Variants in TMEM245 observed in about 807,000 individuals in gnomAD.
TMEM245 encodes transmembrane protein 245.
In TMEM245, 69 loss-of-function variants were observed where a neutral mutation model predicts 101.2. The observed-to-expected ratio is 0.68, with a 90% CI of 0.56 to 0.83. TMEM245 has a LOEUF of 0.83. TMEM245 is among the 40% of genes least tolerant of loss of function. The pLI, the probability that TMEM245 is intolerant of heterozygous loss-of-function variation, is 0.00. For missense variants in TMEM245, 1,075 were observed against 1,092.8 expected (o/e 0.98, Z 0.23); for synonymous variants, 537 against 449.8 (o/e 1.19, Z -2.45).
rs974091313 is a variant in TMEM245, at chr9:109,119,556, C to T, written c.358G>A (p.Val120Ile). ...QRLHRAHTPI[V>I]LAALLLPLCF... ...AGCGGCAGGAGCAGCGCGGCCAGGA[C>T]GATGGGCGTGTGCGCGCGGTGCAGG... The change falls in exon 1 of 18, where the codon GTC becomes ATC. Residue 120 changes from valine to isoleucine, a missense_variant. Val to Ile is a conservative substitution (Grantham distance 29). Coordinates refer to ENST00000374586, the MANE Select transcript of TMEM245 (RefSeq NM_032012.4). 30 of 1,537,046 alleles carry T rather than the reference C, an allele frequency of 2.0e-5. No homozygotes were observed. The highest frequency in any genetic ancestry group is 6.0e-5 in the Admixed American group (3 of 50,204).
rs959873890 is a variant in TMEM245 at position 109,017,515 on chromosome 9, G to A, written c.*2945C>T. 1 of 152,206 alleles carries A rather than the reference G, an allele frequency of 6.6e-6. No homozygotes were observed. The highest frequency in any genetic ancestry group is 2.1e-4 in the South Asian group (1 of 4,830). The allele number at this position is 152,206 out of a possible 1,614,324, so 9.4% of individuals were successfully genotyped here. ...ATCCCATGCCTTCTCTCTCAGAAAAGAGAGGAGCATACCTGTGTGGAGAGC... is the reference window on the plus strand; with the variant it reads ...ATCCCATGCCTTCTCTCTCAGAAAAAAGAGGAGCATACCTGTGTGGAGAGC... On this transcript the variant is annotated 3_prime_UTR_variant, in exon 18 of 18. Coordinates refer to ENST00000374586, the MANE Select transcript of TMEM245 (RefSeq NM_032012.4).
intron 9 of TMEM245, among the ~76,000 whole-genome samples, chr9:109,066,928 C>T (rs1829188156): frequency 6.6e-6 from 1 of 151,680 alleles, no homozygotes; most frequent in South Asian, 2.1e-4. Flanking sequence ...TGTTGGTGTG[C>T]GCCTGTAGTC....
At chr9:109,090,716 CAAA>C (rs112374218) in intron 5 of TMEM245, among the ~76,000 whole-genome samples, 2 of 108,390 alleles carry the variant, frequency 1.8e-5, no homozygotes, top group Admixed American at 9.1e-5. Flanking sequence ...GACTCCGTCT[CAAA>C]AAAAAAAAAA....
intron 14 of TMEM245, among the ~76,000 whole-genome samples, chr9:109,048,916 T>C (rs1828585370): frequency 6.6e-6 from 1 of 152,186 alleles, no homozygotes; most frequent in Non-Finnish European, 1.5e-5. Context: ...TAAACAACGA[T>C]TCTGCATTTC....
intron 16 of TMEM245, among the ~76,000 whole-genome samples, chr9:109,034,792 T>C: frequency 6.6e-6 from 1 of 152,212 alleles, no homozygotes; most frequent in South Asian, 2.1e-4. Context: ...AGTTTATGAA[T>C]AAAAGCTTAA....
At chr9:109,053,421 T>C (rs1828743731) in intron 12 of TMEM245, among the ~76,000 whole-genome samples, 1 of 151,952 alleles carries the variant, frequency 6.6e-6, no homozygotes, top group Admixed American at 6.6e-5. Flanking sequence ...AGCGAGACTC[T>C]CTCTCTGAGG....
intron 17 of TMEM245, among the ~76,000 whole-genome samples, 178 bp downstream of exon 17, chr9:109,033,129 T>G (rs1828014679): frequency 6.6e-6 from 1 of 152,238 alleles, no homozygotes; most frequent in Non-Finnish European, 1.5e-5. Context: ...TCTTGGTATA[T>G]GAAACCCAAA....
intron 1 of TMEM245, among the ~76,000 whole-genome samples, chr9:109,118,783 G>A (rs1830802024): frequency 6.6e-6 from 1 of 152,238 alleles, no homozygotes; most frequent in African/African-American, 2.4e-5. Flanking sequence ...TGAACTGAGA[G>A]GCAGCACCAG....
intron 16 of TMEM245, 108 bp downstream of exon 16, chr9:109,036,098 A>T: frequency 3.8e-6 from 3 of 798,328 alleles, no homozygotes; most frequent in South Asian, 3.2e-5. Flanking sequence ...GAAAATTCCT[A>T]CTACCAGTTC....
chr9:109,106,671 A>G lies in TMEM245; in HGVS notation c.698-62T>C, dbSNP rs190743764. The G allele has an allele frequency of 3.1e-6, 4 of 1,286,290 alleles. No homozygotes were observed. The Admixed American group carries it at 8.4e-5, about 27-fold the overall frequency. The allele number at this position is 1,286,290 out of a possible 1,614,324, so 79.7% of individuals were successfully genotyped here. On this transcript the variant is annotated intron_variant, in intron 2 of 17. Transcript: ENST00000374586. The stretch of plus-strand genomic sequence containing the variant: ...AAAAACCTAGTACTTGTTTTTACAA[A>G]ACTCAGTTTTGTAGTTTGACAGAAC...
intron 1 of TMEM245, 44 bp from the exon 2 acceptor site, chr9:109,108,614 A>C (rs74697586): frequency 0.026 from 35,675 of 1,376,546 alleles, 617 homozygotes; most frequent in Non-Finnish European, 0.029. Flanking sequence ...ATACACGTGA[A>C]AATGAACATA....
Position 109,091,019 on chromosome 9 carries a change from A to T in TMEM245, c.1053T>A (p.Thr351=), listed in dbSNP as rs758790980. The T allele has an allele frequency of 1.9e-6, 3 of 1,614,200 alleles. No individual in the cohort carries two copies. The highest frequency in any genetic ancestry group is 4.5e-5 in the East Asian group (2 of 44,880). The change falls in exon 5 of 18, where the codon ACT becomes ACA. Residue 351 remains threonine (T), a synonymous_variant. Coordinates refer to ENST00000374586, the MANE Select transcript of TMEM245 (RefSeq NM_032012.4). ...CTAGAGACACAAAGTAGATGTCACT[A>T]GTTTTCTTCTTTCTAAGAAACGTTC... ...EIGTFLRKKK[T]SDIYFVSLVW...
At chr9:109,064,931 A>G (rs893713376) in intron 9 of TMEM245, among the ~76,000 whole-genome samples, 1 of 152,106 alleles carries the variant, frequency 6.6e-6, no homozygotes, top group South Asian at 2.1e-4. Context: ...CTGAGATCAT[A>G]GGCACGTCAC....
intron 1 of TMEM245, among the ~76,000 whole-genome samples, chr9:109,117,457 T>C (rs1830755527): frequency 6.6e-6 from 1 of 152,158 alleles, no homozygotes; most frequent in African/African-American, 2.4e-5. Flanking sequence ...AGTTTGACCT[T>C]CTTTCTCCCA....
At chr9:109,087,390 A>G (rs757716889) in intron 5 of TMEM245, 48 bp from the exon 6 acceptor site, 36 of 1,489,186 alleles carry the variant, frequency 2.4e-5, no homozygotes, top group Admixed American at 2.3e-5. Context: ...TAGATTAACA[A>G]GTTGTAACAT....
intron 17 of TMEM245, among the ~76,000 whole-genome samples, chr9:109,032,707 A>G (rs1827997981): frequency 6.7e-6 from 1 of 149,870 alleles, no homozygotes. Context: ...CCATTTCTTG[A>G]GTCTCTTTCA....
intron 3 of TMEM245, among the ~76,000 whole-genome samples, chr9:109,096,921 A>G (rs1302801782): frequency 6.6e-6 from 1 of 152,256 alleles, no homozygotes; most frequent in Non-Finnish European, 1.5e-5. Context: ...TTACATTTCT[A>G]AATGCCTACT....
At chr9:109,058,525 C>T (rs775412997) in intron 11 of TMEM245, among the ~76,000 whole-genome samples, 13 of 151,972 alleles carry the variant, frequency 8.6e-5, no homozygotes, top group Admixed American at 2.6e-4. Flanking sequence ...TGAGCCTAGC[C>T]GTTCAAGACC....
intron 1 of TMEM245, among the ~76,000 whole-genome samples, chr9:109,112,155 C>T (rs550394997): frequency 5.3e-5 from 8 of 151,426 alleles, no homozygotes; most frequent in Middle Eastern, 3.4e-3. Context: ...TATTCTAATA[C>T]AAATTCAGAG....
Sources: gnomAD v4.1 joint callset for allele counts (sites outside exome capture counted in the v4.1 genomes callset) on GRCh38, gnomAD v4.1.1 for gene constraint, MANE v1.5 for transcripts, NCBI Gene and HGNC (gene_info 2026-07-23, HGNC 2026-07-21) for gene names.